POLN: variants seen among roughly 807,000 people sequenced by gnomAD.
POLN encodes the protein DNA polymerase nu, also known as DNA polymerase N.
POLN carries 108 observed loss-of-function variants against 113.5 expected under a neutral mutation model. The ratio of observed to expected loss-of-function variants is 0.95; its 90% CI spans 0.81 to 1.12. POLN has a LOEUF of 1.12. Ranked by LOEUF, POLN falls within the 50% of genes most tolerant of loss-of-function variation. POLN has a pLI of 0.00. For missense variants in POLN, 1,097 were observed against 1,077.1 expected (o/e 1.02, Z -0.26); for synonymous variants, 386 against 391.5 (o/e 0.99, Z 0.17).
chr4:2,219,803 T>C (rs1321132043), intron 3 of POLN, among the ~76,000 whole-genome samples: 1 of 152,122 alleles, frequency 6.6e-6, no homozygotes, highest in Non-Finnish European at 1.5e-5. Flanking sequence ...TCTCCTTCAC[T>C]TAGTATGAAC....
At chr4:2,211,181 G>A (rs1053318403) in intron 4 of POLN, among the ~76,000 whole-genome samples, 25 of 148,108 alleles carry the variant, frequency 1.7e-4, no homozygotes, top group African/African-American at 4.7e-4. Flanking sequence ...CCCAGGAGGC[G>A]GAGGTTGCAG....
chr4:2,085,873 A>T, intron 20 of POLN, 129 bp from the exon 21 acceptor site: 2 of 1,262,722 alleles, frequency 1.6e-6, no homozygotes, highest in Middle Eastern at 2.8e-4. Flanking sequence ...GTTGGCGTTG[A>T]CTTTACAAGC....
intron 8 of POLN, among the ~76,000 whole-genome samples, chr4:2,178,939 T>C (rs1036594287): frequency 3.3e-5 from 5 of 152,028 alleles, no homozygotes; most frequent in African/African-American, 1.2e-4. Flanking sequence ...CTGACCATTC[T>C]CTCCACACAG....
chr4:2,197,510 G>C (rs1209283475), intron 6 of POLN, among the ~76,000 whole-genome samples: 2 of 152,248 alleles, frequency 1.3e-5, no homozygotes, highest in South Asian at 2.1e-4. Flanking sequence ...GGGAAGACAG[G>C]AGTTCAGTTT....
intron 19 of POLN, among the ~76,000 whole-genome samples, chr4:2,102,328 C>T (rs942924050): frequency 1.3e-5 from 2 of 152,150 alleles, no homozygotes; most frequent in African/African-American, 4.8e-5. Context: ...AGCACTTTTC[C>T]AGGGGGGCAG....
Position 2,126,124 on chromosome 4 carries a change from C to T in POLN, c.1982+1989G>A, listed in dbSNP as rs1269816427. ...TTGGCTCCTGGTGCCCTGGACCCCA[C>T]CATGTGCTGTGCTCGTCACATCGAC... On this transcript the variant is annotated intron_variant, in intron 19 of 25. Coordinates refer to ENST00000511885, the MANE Select transcript of POLN (RefSeq NM_181808.4). The surrounding 1 kb of genome is among the most constrained non-coding windows in gnomAD (Gnocchi z 4.6). Among the ~76,000 whole-genome samples, 1 of 152,174 alleles carries T rather than the reference C, an allele frequency of 6.6e-6. No individual in the cohort carries two copies. Among genetic ancestry groups the T allele is most frequent in the Non-Finnish European group, 1.5e-5 (1 of 68,038 alleles).
At chr4:2,216,244 T>C (rs145386821) in intron 3 of POLN, among the ~76,000 whole-genome samples, 15 of 152,370 alleles carry the variant, frequency 9.8e-5, no homozygotes, top group African/African-American at 3.4e-4. Flanking sequence ...CCTGTGCCCC[T>C]GCTGGAAAGG....
chr4:2,228,758 G>C, intron 3 of POLN: 1 of 208,380 alleles, frequency 4.8e-6, no homozygotes, highest in Admixed American at 5.6e-5. Flanking sequence ...CATATCTCTT[G>C]TTCACCACAC....
At chr4:2,131,134 G>A in intron 17 of POLN, 99 bp downstream of exon 17, 1 of 828,110 alleles carries the variant, frequency 1.2e-6, no homozygotes, top group Non-Finnish European at 1.9e-6. Context: ...GCAGTGAGCT[G>A]TGATCGCACA....
At chr4:2,079,323 T>C in intron 23 of POLN, 1 of 724,950 alleles carries the variant, frequency 1.4e-6, no homozygotes, top group Non-Finnish European at 1.7e-6. Flanking sequence ...CACAAGCTGC[T>C]CATATCCTGG....
chr4:2,131,127 G>T, intron 17 of POLN, 106 bp downstream of exon 17: 1 of 769,082 alleles, frequency 1.3e-6, no homozygotes, highest in African/African-American at 1.8e-5. Flanking sequence ...CAAGGCTGCA[G>T]TGAGCTGTGA....
At chr4:2,229,309 C>T in intron 2 of POLN, 66 bp from the exon 3 acceptor site, 1 of 1,268,672 alleles carries the variant, frequency 7.9e-7, no homozygotes, top group Non-Finnish European at 1.1e-6. Context: ...ACAGGAAATA[C>T]AATTATTTTC....
chr4:2,238,599 C>G, intron 2 of POLN: 2 of 1,525,446 alleles, frequency 1.3e-6, no homozygotes, highest in Non-Finnish European at 1.8e-6. Context: ...ATGAAGCATA[C>G]GTACCTATGA....
intron 2 of POLN, chr4:2,238,752 T>C (rs1734858101): frequency 3.7e-6 from 6 of 1,613,856 alleles, no homozygotes; most frequent in African/African-American, 1.3e-5. Context: ...TGACGATATA[T>C]GTCCCGATGC....
intron 7 of POLN, among the ~76,000 whole-genome samples, chr4:2,186,227 C>A (rs1261553891): frequency 2.0e-5 from 3 of 152,194 alleles, no homozygotes; most frequent in Non-Finnish European, 4.4e-5. Context: ...GGCCCCCTGG[C>A]AGGAGACCCG....
intron 19 of POLN, among the ~76,000 whole-genome samples, chr4:2,116,602 A>G (rs1731324173): frequency 6.6e-6 from 1 of 151,766 alleles, no homozygotes; most frequent in Non-Finnish European, 1.5e-5. Flanking sequence ...CTAGTATAGG[A>G]TAGGGTGTGC....
intron 7 of POLN, 54 bp downstream of exon 7, chr4:2,193,147 TAGG>T: frequency 2.3e-6 from 3 of 1,314,534 alleles, no homozygotes; most frequent in Non-Finnish European, 1.1e-6. Flanking sequence ...CTCCCATTCA[TAGG>T]AGGAGTCACA....
chr4:2,133,734 T>C (rs1475232417), intron 16 of POLN, among the ~76,000 whole-genome samples: 1 of 152,190 alleles, frequency 6.6e-6, no homozygotes, highest in Non-Finnish European at 1.5e-5. Context: ...TCAGCATCTC[T>C]TTTCTCCCCC....
intron 19 of POLN, among the ~76,000 whole-genome samples, chr4:2,116,093 T>C (rs1731310993): frequency 6.6e-6 from 1 of 152,200 alleles, no homozygotes; most frequent in African/African-American, 2.4e-5. Context: ...TTCCAGCTCT[T>C]TGCAGCTGAA....
Sources: allele counts gnomAD v4.1 joint callset (sites outside exome capture counted in the v4.1 genomes callset), GRCh38; gene constraint gnomAD v4.1.1; non-coding constraint Gnocchi (gnomAD v3.1); transcripts MANE v1.5; gene names NCBI Gene and HGNC (gene_info 2026-07-23, HGNC 2026-07-21).